The following ANK3 variants were observed in gnomAD, a reference collection of about 807,000 sequenced individuals.
The protein encoded by ANK3 is ankyrin-3.
ANK3 carries 57 observed loss-of-function variants against 370.9 expected under a neutral mutation model. That is an observed-to-expected ratio of 0.15 (90% CI 0.12 to 0.19). The LOEUF (loss-of-function observed/expected upper bound fraction) is 0.19. ANK3 is among the 10% of genes least tolerant of loss of function. The pLI, the probability that ANK3 is intolerant of heterozygous loss-of-function variation, is 1.00. For missense variants in ANK3, 4,439 were observed against 5,302.1 expected (o/e 0.84, Z 5.06); for synonymous variants, 1,929 against 1,946.3 (o/e 0.99, Z 0.23).
chr10:60,619,004 TG>T (rs1271122466), intron 1 of ANK3, among the ~76,000 whole-genome samples: 1 of 152,110 alleles, frequency 6.6e-6, no homozygotes, highest in Non-Finnish European at 1.5e-5. Flanking sequence ...GACCCTATAG[TG>T]GTTCCTAGAA....
chr10:60,684,971 T>A, intron 1 of ANK3: 1 of 1,556,022 alleles, frequency 6.4e-7, no homozygotes, highest in Non-Finnish European at 8.8e-7. Flanking sequence ...ACAGGTGAAC[T>A]GAGCTCATCA....
At chr10:60,300,363 G>A (rs948642894) in intron 1 of ANK3, 15 of 1,289,686 alleles carry the variant, frequency 1.2e-5, no homozygotes, top group Non-Finnish European at 1.5e-5. Context: ...ATTCTCTGTG[G>A]CCAAGTAAGA....
At position 60,731,840 on chromosome 10, in the gene ANK3, C is replaced by T. The variant is rs576061366; in HGVS notation, c.57+1423G>A. 1.4e-4 allele frequency among the ~76,000 whole-genome samples: 21 copies of T among 152,292 alleles called. No individual in the cohort carries two copies. In the South Asian group the frequency reaches 3.1e-3, roughly 23 times the overall value. Reference sequence around the variant, plus strand: ...GTAACCCCAGGATGACTCTTCTATGCTTTTACGAATAAGAGAAAGTGACCT... The same window carrying T: ...GTAACCCCAGGATGACTCTTCTATGTTTTTACGAATAAGAGAAAGTGACCT... On this transcript the variant is annotated intron_variant, in intron 1 of 43. Coordinates refer to the ANK3 transcript ENST00000373827.
intron 43 of ANK3, among the ~76,000 whole-genome samples, chr10:60,032,194 C>CTTTTTTTTTTTT (rs552219776): frequency 0.013 from 575 of 43,116 alleles, 106 homozygotes; most frequent in African/African-American, 0.025. Context: ...TACACAGCTT[C>CTTTTTTTTTTTT]TTTTTTTTTT....
intron 1 of ANK3, among the ~76,000 whole-genome samples, chr10:60,703,569 TA>T: frequency 6.6e-6 from 1 of 152,332 alleles, no homozygotes; most frequent in Non-Finnish European, 1.5e-5. Context: ...TTTTGATGAC[TA>T]TTTCCTGGAT....
intron 2 of ANK3, among the ~76,000 whole-genome samples, chr10:60,532,013 A>T (rs563524720): frequency 6.6e-6 from 1 of 152,276 alleles, no homozygotes; most frequent in East Asian, 1.9e-4. Context: ...GTGTATTTTA[A>T]ACAGGCACCT....
chr10:60,730,147 A>C (rs1242633471), intron 1 of ANK3, among the ~76,000 whole-genome samples: 1 of 152,126 alleles, frequency 6.6e-6, no homozygotes, highest in Non-Finnish European at 1.5e-5. Flanking sequence ...TAATGCTAAA[A>C]GATTTTTGTT....
intron 1 of ANK3, among the ~76,000 whole-genome samples, chr10:60,657,380 C>T (rs377408761): frequency 1.1e-3 from 164 of 152,232 alleles, no homozygotes; most frequent in Non-Finnish European, 2.2e-3. Context: ...GAACACCTGG[C>T]CTCAAGTGAT....
At chr10:60,292,966 C>T (rs2041768354) in intron 1 of ANK3, among the ~76,000 whole-genome samples, 1 of 152,178 alleles carries the variant, frequency 6.6e-6, no homozygotes, top group Admixed American at 6.5e-5. Flanking sequence ...GCCTTGGCCT[C>T]CCAAAGTGCT....
At chr10:60,530,832 G>A (rs1017694066) in intron 2 of ANK3, among the ~76,000 whole-genome samples, 1 of 152,026 alleles carries the variant, frequency 6.6e-6, no homozygotes, top group African/African-American at 2.4e-5. Flanking sequence ...GTTGGGTGGG[G>A]GACATATCCA....
At chr10:60,141,988 C>A (rs1347415735) in intron 23 of ANK3, among the ~76,000 whole-genome samples, 1 of 152,098 alleles carries the variant, frequency 6.6e-6, no homozygotes, top group African/African-American at 2.4e-5. Flanking sequence ...AAGGGGAAGT[C>A]TTGTTTAAAG....
chr10:60,086,154 A>G (rs2086638419), intron 30 of ANK3, among the ~76,000 whole-genome samples: 1 of 152,212 alleles, frequency 6.6e-6, no homozygotes, highest in South Asian at 2.1e-4. Context: ...GCTTATCACA[A>G]AATGTGTTCT....
intron 1 of ANK3, among the ~76,000 whole-genome samples, chr10:60,346,938 G>A (rs888703956): frequency 7.9e-6 from 1 of 126,834 alleles, no homozygotes; most frequent in Non-Finnish European, 1.7e-5. Flanking sequence ...ATCTTTTATT[G>A]TTTCCTAATG....
intron 2 of ANK3, among the ~76,000 whole-genome samples, chr10:60,461,513 G>C (rs1327695520): frequency 6.6e-6 from 1 of 152,042 alleles, no homozygotes; most frequent in Non-Finnish European, 1.5e-5. Flanking sequence ...AGACGGCCAG[G>C]GTGGGCCCAA....
chr10:60,648,303 C>A (rs1355593946), intron 1 of ANK3, among the ~76,000 whole-genome samples: 1 of 142,188 alleles, frequency 7.0e-6, no homozygotes. Flanking sequence ...CAGGCATGAG[C>A]CACCATGCCC....
At chr10:60,125,573 A>T (rs924472281) in intron 25 of ANK3, among the ~76,000 whole-genome samples, 1 of 152,188 alleles carries the variant, frequency 6.6e-6, no homozygotes, top group Non-Finnish European at 1.5e-5. Context: ...GCAAATCTTT[A>T]ATCTGAGGCT....
intron 1 of ANK3, among the ~76,000 whole-genome samples, chr10:60,349,394 T>C (rs1422870135): frequency 2.6e-5 from 4 of 152,200 alleles, no homozygotes; most frequent in Admixed American, 2.0e-4. Flanking sequence ...AATAGGAATT[T>C]TAGCTCTCAT....
intron 2 of ANK3, among the ~76,000 whole-genome samples, chr10:60,399,161 C>A (rs2063304704): frequency 6.6e-6 from 1 of 151,950 alleles, no homozygotes; most frequent in South Asian, 2.1e-4. Flanking sequence ...GACTTACAGG[C>A]TTCTTTTTGG....
chr10:60,173,007 G>A lies in ANK3; in HGVS notation c.2284-9C>T. On this transcript the variant is annotated splice_polypyrimidine_tract_variant and intron_variant, in intron 19 of 43. Coordinates refer to ENST00000280772, the MANE Select transcript of ANK3 (RefSeq NM_020987.5). ...AATGGCGTATACCCATTCTGTAGAA[G>A]GAAGATGGAAGAGATGATTCTTAAT... 3 of 1,609,252 alleles carry A rather than the reference G, an allele frequency of 1.9e-6. No homozygotes were observed. The highest frequency in any genetic ancestry group is 2.6e-6 in the Non-Finnish European group (3 of 1,175,770).
Sources: allele counts gnomAD v4.1 joint callset (sites outside exome capture counted in the v4.1 genomes callset), GRCh38; gene constraint gnomAD v4.1.1; transcripts MANE v1.5; gene names NCBI Gene and HGNC (gene_info 2026-07-23, HGNC 2026-07-21).